Variants in HERC3 observed in about 807,000 individuals in gnomAD.
HERC3 encodes HECT and RLD domain containing E3 ubiquitin protein ligase 3.
A neutral mutation model predicts 129.9 loss-of-function variants in HERC3; 58 were observed. That is an observed-to-expected ratio of 0.45 (90% CI 0.36 to 0.56). The LOEUF is 0.56. Among genes scored for constraint, HERC3 ranks in the 20% least tolerant of loss-of-function variants. HERC3 has a pLI of 0.00. For synonymous variants in HERC3, 430 were observed against 451.0 expected (o/e 0.95, Z 0.59); for missense variants, 835 against 1,244.2 (o/e 0.67, Z 4.95).
Position 88,605,849 on chromosome 4 carries a change from T to C in HERC3, c.26T>C (p.Leu9Pro). 3 of 1,614,236 alleles carry C rather than the reference T, an allele frequency of 1.9e-6. No homozygotes were observed. Among genetic ancestry groups the C allele is most frequent in the Non-Finnish European group, 2.5e-6 (3 of 1,180,022 alleles). Residue 9 changes from leucine (L) to proline (P), a missense_variant, in exon 3 of 26, where the codon CTG (leucine) becomes CCG (proline). Coordinates refer to ENST00000402738, the MANE Select transcript of HERC3 (RefSeq NM_014606.3). Reference protein sequence around the residue: MLCWGYWSLGQPGISTNLQ... With the variant: MLCWGYWSPGQPGISTNLQ... ...ATGTTATGTTGGGGATATTGGTCTC[T>C]GGGCCAACCTGGTATCAGCACCAAC...
chr4:88,551,660 A>G, the HERC3 span, among the ~76,000 whole-genome samples: 1 of 152,210 alleles, frequency 6.6e-6, no homozygotes, highest in Non-Finnish European at 1.5e-5. Flanking sequence ...ATGTGGAGAA[A>G]TAAGAACACT....
At chr4:88,681,390 G>A in intron 21 of HERC3, 65 bp downstream of exon 21, 1 of 1,362,598 alleles carries the variant, frequency 7.3e-7, no homozygotes, top group South Asian at 1.3e-5. Context: ...GAGGATTAAA[G>A]GTTGAAAATA....
Position 88,704,257 on chromosome 4 carries a change from C to T in HERC3, c.2817C>T (p.Asn939=), listed in dbSNP as rs1452877121. ...ELRAMMVGNS[N]YNWEELEETA... The stretch of plus-strand genomic sequence containing the variant: ...GGGCTATGATGGTGGGGAACAGCAA[C>T]TACAACTGGGAAGAACTGGAAGAGG... Residue 939 remains asparagine, a synonymous_variant, in exon 24 of 26, where the codon AAC becomes AAT. Transcript: ENST00000402738. The T allele has an allele frequency of 6.2e-7, 1 of 1,614,084 alleles. No individual in the cohort carries two copies. The highest frequency in any genetic ancestry group is 1.1e-5 in the South Asian group (1 of 91,074).
the HERC3 span, among the ~76,000 whole-genome samples, chr4:88,546,397 G>T: frequency 6.6e-6 from 1 of 152,152 alleles, no homozygotes; most frequent in African/African-American, 2.4e-5. Flanking sequence ...CTATATGCCA[G>T]GAAAAAGGAG....
upstream of HERC3, among the ~76,000 whole-genome samples, chr4:88,590,327 G>A (rs1403642396): frequency 6.6e-6 from 1 of 151,968 alleles, no homozygotes; most frequent in African/African-American, 2.4e-5. Flanking sequence ...TTGGGAGGCC[G>A]AGGTGGGCGG....
intron 4 of HERC3, among the ~76,000 whole-genome samples, chr4:88,650,676 T>A (rs1266000371): frequency 6.6e-6 from 1 of 152,246 alleles, no homozygotes; most frequent in Non-Finnish European, 1.5e-5. Context: ...TACTCCTTTG[T>A]GCTACAGGTG....
intron 21 of HERC3, among the ~76,000 whole-genome samples, chr4:88,682,279 G>A (rs1732863832): frequency 6.6e-6 from 1 of 152,066 alleles, no homozygotes; most frequent in South Asian, 2.1e-4. Flanking sequence ...TGTTCCCAAA[G>A]TAGTAGAGCC....
At chr4:88,678,325 A>C (rs192103830) in intron 19 of HERC3, among the ~76,000 whole-genome samples, 191 bp downstream of exon 19, 248 of 152,330 alleles carry the variant, frequency 1.6e-3, no homozygotes, top group African/African-American at 5.5e-3. Flanking sequence ...TAAAAATGCC[A>C]GTGGATTATT....
Position 88,686,609 on chromosome 4 carries a change from ATGT to A in HERC3, c.2508-125_2508-123del, listed in dbSNP as rs774634184. On this transcript the variant is annotated intron_variant, in intron 21 of 25. Coordinates refer to ENST00000402738, the MANE Select transcript of HERC3 (RefSeq NM_014606.3). ...CATGATTTTCTGTCCGTCCGGATTTATGTTTATTCCAGAATCTTCTTTCATAGT... is the reference window on the plus strand; with the variant it reads ...CATGATTTTCTGTCCGTCCGGATTTATTATTCCAGAATCTTCTTTCATAGT... 4.7e-4 allele frequency: 290 copies of A among 620,358 alleles called. 1 individual carries two copies. The highest frequency in any genetic ancestry group is 2.5e-3 in the African/African-American group (134 of 54,192). 38.4% of individuals were successfully genotyped at this position (620,358 alleles called of 1,614,324 possible).
chr4:88,654,175 A>G (rs375132292), intron 7 of HERC3, 42 bp downstream of exon 7: 12 of 1,326,930 alleles, frequency 9.0e-6, no homozygotes, highest in Non-Finnish European at 1.3e-5. Context: ...TGGGGATATG[A>G]TGGGTGATTA....
intron 2 of HERC3, 83 bp from the exon 3 acceptor site, chr4:88,605,712 T>A (rs936658904): frequency 1.2e-5 from 9 of 743,656 alleles, no homozygotes; most frequent in Non-Finnish European, 1.7e-5. Flanking sequence ...GGGTTATTTT[T>A]AAAATTGGTT....
chr4:88,681,436 G>T, intron 21 of HERC3, 111 bp downstream of exon 21: 1 of 853,762 alleles, frequency 1.2e-6, no homozygotes, highest in Non-Finnish European at 1.8e-6. Flanking sequence ...GCATCCTGTG[G>T]TTAGACCCTG....
chr4:88,657,856 C>T (rs570732645), intron 9 of HERC3, among the ~76,000 whole-genome samples: 1 of 151,922 alleles, frequency 6.6e-6, no homozygotes, highest in Admixed American at 6.6e-5. Context: ...AGGTTGTGCT[C>T]TCGGTGGGCA....
rs758080008 is a variant in HERC3 at position 88,706,765 on chromosome 4, C to G, written c.2958C>G (p.Gly986=). The G allele has an allele frequency of 8.1e-6, 13 of 1,614,130 alleles. No homozygotes were observed. The highest frequency in any genetic ancestry group is 1.1e-5 in the Non-Finnish European group (13 of 1,179,980). ...KKKKFLLFLT[G]SDRIPIYGMA... is the part of the protein sequence containing the mutation. Reference sequence around the variant, plus strand: ...CGTTCTCCCCAGTGTTCCTGACAGGCAGCGATCGGATTCCCATCTACGGCA... The same window carrying G: ...CGTTCTCCCCAGTGTTCCTGACAGGGAGCGATCGGATTCCCATCTACGGCA... Residue 986 remains glycine, a synonymous_variant, in exon 26 of 26, where the codon GGC becomes GGG. Transcript: ENST00000402738.
At chr4:88,595,056 C>T (rs375234332) in intron 1 of HERC3, among the ~76,000 whole-genome samples, 47 of 132,664 alleles carry the variant, frequency 3.5e-4, no homozygotes, top group Middle Eastern at 8.3e-3. Context: ...GAGCCGAGAT[C>T]GGCCACTGCA....
the HERC3 span, among the ~76,000 whole-genome samples, chr4:88,575,494 C>T: frequency 3.9e-5 from 6 of 152,176 alleles, no homozygotes; most frequent in African/African-American, 1.4e-4. Flanking sequence ...GGCTGCAGTG[C>T]TTTTAAGAGT....
At chr4:88,542,417 C>T in the HERC3 span, among the ~76,000 whole-genome samples, 1 of 152,078 alleles carries the variant, frequency 6.6e-6, no homozygotes, top group Non-Finnish European at 1.5e-5. Flanking sequence ...CTGAATAGAC[C>T]AATAACAGGT....
At chr4:88,627,558 C>T (rs1726243174) in intron 3 of HERC3, among the ~76,000 whole-genome samples, 1 of 151,920 alleles carries the variant, frequency 6.6e-6, no homozygotes, top group African/African-American at 2.4e-5. Context: ...GGAACCAATC[C>T]CCCACAAATA....
chr4:88,692,140 GT>G (rs1439147944), intron 23 of HERC3, among the ~76,000 whole-genome samples: 1 of 152,186 alleles, frequency 6.6e-6, no homozygotes, highest in Non-Finnish European at 1.5e-5. Context: ...CCAGCTGGTA[GT>G]CACATCTGGA....
Sources: allele counts gnomAD v4.1 joint callset (sites outside exome capture counted in the v4.1 genomes callset), GRCh38; gene constraint gnomAD v4.1.1; transcripts MANE v1.5; gene names NCBI Gene and HGNC (gene_info 2026-07-23, HGNC 2026-07-21).